The following RALGPS2 variants were observed in gnomAD, a reference collection of about 807,000 sequenced individuals.
RALGPS2 encodes the protein Ral GEF with PH domain and SH3 binding motif 2.
RALGPS2 carries 43 observed loss-of-function variants against 86.8 expected under a neutral mutation model. The observed-to-expected ratio is 0.50, with a 90% CI of 0.39 to 0.64. The LOEUF (loss-of-function observed/expected upper bound fraction) is 0.64. Among genes scored for constraint, RALGPS2 ranks in the 30% least tolerant of loss-of-function variants. The pLI, the probability that RALGPS2 is intolerant of heterozygous loss-of-function variation, is 0.00. For synonymous variants in RALGPS2, 243 were observed against 231.3 expected, an observed-to-expected ratio of 1.05 and a Z score of -0.46; for missense variants, 536 against 694.6, an observed-to-expected ratio of 0.77 and a Z score of 2.57.
At chr1:178,791,750 A>C (rs1653966429) in intron 4 of RALGPS2, among the ~76,000 whole-genome samples, 1 of 152,194 alleles carries the variant, frequency 6.6e-6, no homozygotes, top group African/African-American at 2.4e-5. Flanking sequence ...GAATTTAGCT[A>C]AACGTGTTCT....
At chr1:178,858,212 C>T (rs1312212109) in intron 8 of RALGPS2, among the ~76,000 whole-genome samples, 5 of 152,050 alleles carry the variant, frequency 3.3e-5, no homozygotes, top group African/African-American at 1.2e-4. Context: ...ATTAACCTGT[C>T]TTAGTCCAGT....
chr1:178,893,421 C>G (rs1051650281), intron 15 of RALGPS2, among the ~76,000 whole-genome samples: 5 of 146,932 alleles, frequency 3.4e-5, no homozygotes, highest in Non-Finnish European at 7.5e-5. Flanking sequence ...TTACTTCTTT[C>G]TGCTATTTTA....
At position 178,913,282 on chromosome 1, in the gene RALGPS2, C is replaced by CA. The variant is rs564534239; in HGVS notation, c.1723-3035dup. ...GGGCAACAGAGCAAGACTCCCATCT[C>CA]AAAAAAAAAAAAAGAAAAGAAAAAG... On this transcript the variant is annotated intron_variant, in intron 19 of 19. Transcript: ENST00000367635. Among the ~76,000 whole-genome samples, 1,219 of 126,706 alleles carry CA rather than the reference C, an allele frequency of 9.6e-3. 16 individuals are homozygous for CA. The highest frequency in any genetic ancestry group is 0.029 in the African/African-American group (981 of 33,878). The allele number at this position is 126,706 out of a possible 152,430, so 83.1% of individuals were successfully genotyped here.
chr1:178,773,918 C>T (rs1652938379), intron 1 of RALGPS2, among the ~76,000 whole-genome samples: 1 of 152,032 alleles, frequency 6.6e-6, no homozygotes, highest in Non-Finnish European at 1.5e-5. Context: ...CCTTAATTTT[C>T]ATGAAATACA....
At chr1:178,753,050 C>G (rs1651767512) in intron 1 of RALGPS2, among the ~76,000 whole-genome samples, 1 of 152,222 alleles carries the variant, frequency 6.6e-6, no homozygotes, top group Non-Finnish European at 1.5e-5. Context: ...CTTCCCACCT[C>G]TGTTTACATT....
chr1:178,909,359 C>T (rs1660516522), intron 19 of RALGPS2, among the ~76,000 whole-genome samples: 1 of 152,154 alleles, frequency 6.6e-6, no homozygotes, highest in Non-Finnish European at 1.5e-5. Context: ...GTGATGCCTT[C>T]AGCTTTGTTC....
At chr1:178,910,157 T>TG (rs1660568219) in intron 19 of RALGPS2, among the ~76,000 whole-genome samples, 1 of 152,192 alleles carries the variant, frequency 6.6e-6, no homozygotes, top group Non-Finnish European at 1.5e-5. Context: ...CTAGGAGCTT[T>TG]GGGTCAGAGA....
chr1:178,862,593 T>TTTTTTTTA lies in RALGPS2; in HGVS notation c.608-14902_608-14901insTTTTATTT, dbSNP rs781776762. Among the ~76,000 whole-genome samples the TTTTTTTTA allele has an allele frequency of 1.8e-4, 26 of 140,756 alleles. 1 individual carries two copies. The South Asian group carries it at 4.1e-3, about 22-fold the overall frequency. The allele number at this position is 140,756 out of a possible 152,430, so 92.3% of individuals were successfully genotyped here. On this transcript the variant is annotated intron_variant, in intron 8 of 19. Transcript: ENST00000367635. ...GGGCCTCAAGGAGGAGTTGCATTTT[T>TTTTTTTTA]TTTATTTATTTATTTATTTATTTAT...
intron 7 of RALGPS2, among the ~76,000 whole-genome samples, chr1:178,827,870 A>T (rs1655827994): frequency 1.3e-5 from 2 of 152,254 alleles, no homozygotes; most frequent in Admixed American, 6.5e-5. Context: ...GGGAAATGGT[A>T]GTTTCTTCAA....
intron 4 of RALGPS2, 21 bp from the exon 5 acceptor site, chr1:178,808,024 A>G: frequency 1.3e-6 from 2 of 1,521,610 alleles, no homozygotes; most frequent in East Asian, 4.5e-5. Flanking sequence ...CTTAAATTTA[A>G]TTTTCACCTT....
chr1:178,770,048 ACT>A (rs994884237), intron 1 of RALGPS2, among the ~76,000 whole-genome samples: 2 of 141,230 alleles, frequency 1.4e-5, no homozygotes, highest in Non-Finnish European at 3.1e-5. Flanking sequence ...ACAAGGTCTC[ACT>A]CTCTTGCCTA....
At chr1:178,914,406 C>T (rs1660734994) in intron 19 of RALGPS2, among the ~76,000 whole-genome samples, 1 of 152,144 alleles carries the variant, frequency 6.6e-6, no homozygotes, top group African/African-American at 2.4e-5. Context: ...AGTTACTTTA[C>T]TCACCCCTTC....
rs1162483524 is a variant in RALGPS2 at position 178,897,763 on chromosome 1, ATTTG to A, written c.1524+10_1524+13del. ...GGCTACCGAAAGAAAACATGTAAGT[ATTTG>A]TTCTCTACATTTTTAGCGTGGTTTC... On this transcript the variant is annotated splice_region_variant and intron_variant, in intron 17 of 19. Transcript: ENST00000367635. The A allele has an allele frequency of 1.9e-6, 3 of 1,602,318 alleles. No homozygotes were observed. The highest frequency in any genetic ancestry group is 1.3e-5 in the African/African-American group (1 of 74,562).
intron 1 of RALGPS2, among the ~76,000 whole-genome samples, chr1:178,727,482 C>T (rs1428937683): frequency 6.6e-6 from 1 of 152,190 alleles, no homozygotes; most frequent in African/African-American, 2.4e-5. Flanking sequence ...GAAGATAATG[C>T]TTGCATTGGC....
intron 7 of RALGPS2, among the ~76,000 whole-genome samples, chr1:178,825,509 T>G (rs770566355): frequency 1.3e-5 from 2 of 152,072 alleles, no homozygotes; most frequent in Non-Finnish European, 1.5e-5. Flanking sequence ...GTATTGGGAG[T>G]ATTCTCTCCA....
intron 15 of RALGPS2, 99 bp downstream of exon 15, chr1:178,892,406 C>A: frequency 1.0e-6 from 1 of 962,452 alleles, no homozygotes; most frequent in Non-Finnish European, 1.6e-6. Context: ...TCTTTCTCAA[C>A]TAATTGATTT....
chr1:178,731,272 GTTTTTTTTTT>G (rs57628726), intron 1 of RALGPS2, among the ~76,000 whole-genome samples: 11 of 57,950 alleles, frequency 1.9e-4, no homozygotes, highest in Non-Finnish European at 3.3e-4. Context: ...AGTTGTTTTG[GTTTTTTTTTT>G]TTTTTTTTTT....
At chr1:178,871,825 G>C (rs758587208) in intron 8 of RALGPS2, among the ~76,000 whole-genome samples, 16 of 152,184 alleles carry the variant, frequency 1.1e-4, no homozygotes, top group Non-Finnish European at 1.9e-4. Context: ...AGGAAGCTCT[G>C]ACTCTATGCC....
intron 10 of RALGPS2, among the ~76,000 whole-genome samples, chr1:178,881,889 A>G (rs1209420609): frequency 1.3e-5 from 2 of 152,208 alleles, no homozygotes; most frequent in African/African-American, 4.8e-5. Flanking sequence ...AATGCCTTTT[A>G]TGATGAAAAA....
Sources: allele counts gnomAD v4.1 joint callset (sites outside exome capture counted in the v4.1 genomes callset), GRCh38; gene constraint gnomAD v4.1.1; transcripts MANE v1.5; gene names NCBI Gene and HGNC (gene_info 2026-07-23, HGNC 2026-07-21).